Variants in SLC12A4 observed in about 807,000 individuals in gnomAD.
SLC12A4 encodes the protein solute carrier family 12 member 4.
In SLC12A4, 84 loss-of-function variants were observed where a neutral mutation model predicts 119.2. The ratio of observed to expected loss-of-function variants is 0.70; its 90% CI spans 0.59 to 0.85. The LOEUF is 0.85. Ranked by LOEUF, SLC12A4 falls within the 40% of genes least tolerant of loss-of-function variation. SLC12A4 has a pLI of 0.00. For missense variants in SLC12A4, 1,298 were observed against 1,476.3 expected (o/e 0.88, Z 1.98); for synonymous variants, 599 against 604.6 (o/e 0.99, Z 0.14).
chr16:67,948,075 GA>G lies in SLC12A4; in HGVS notation c.1832del (p.Phe611SerfsTer13). ...LLRTPNWRPR[F>X]KYYHWALSFL... ...GCATGGCTCACCAGTGATAGTACTT[GA>G]ACCGGGGCCGCCAGTTGGGGGTCCT... On this transcript the variant is annotated frameshift_variant, in exon 14 of 24. Coordinates refer to ENST00000316341, the MANE Select transcript of SLC12A4 (RefSeq NM_005072.5). LOFTEE classifies it high-confidence loss of function. 3 of 1,613,110 alleles carry G rather than the reference GA, an allele frequency of 1.9e-6. No homozygotes were observed.
At chr16:67,958,143 C>T in intron 3 of SLC12A4, 99 bp from the exon 4 acceptor site, 1 of 1,282,206 alleles carries the variant, frequency 7.8e-7, no homozygotes. Context: ...CCCAGTGGGG[C>T]CCCAGGGAAC....
intron 1 of SLC12A4, among the ~76,000 whole-genome samples, chr16:67,965,117 C>T (rs1298576348): frequency 6.6e-6 from 1 of 152,204 alleles, no homozygotes; most frequent in African/African-American, 2.4e-5. Context: ...TCAAGACAGT[C>T]CACCGTGTCA....
At position 67,950,188 on chromosome 16, in the gene SLC12A4, C is replaced by A; in HGVS notation, c.1629+131G>T. ...GGCCCAGGGCACTTCTCAGTAGCTC[C>A]TCATGGATGGCCGCCTGGCCCCGGG... On this transcript the variant is annotated intron_variant, in intron 12 of 23. Transcript: ENST00000316341. The surrounding 1 kb of genome is among the most constrained non-coding windows in gnomAD (Gnocchi z 4.3). 8.8e-7 allele frequency: 1 copy of A among 1,140,304 alleles called. No individual in the cohort carries two copies. Among genetic ancestry groups the A allele is most frequent in the Non-Finnish European group, 1.2e-6 (1 of 814,018 alleles). The allele number at this position is 1,140,304 out of a possible 1,614,324, so 70.6% of individuals were successfully genotyped here.
chr16:67,952,479 C>T, intron 6 of SLC12A4, 54 bp from the exon 7 acceptor site: 4 of 1,603,232 alleles, frequency 2.5e-6, no homozygotes, highest in Non-Finnish European at 3.4e-6. Flanking sequence ...GAAAGTGAAA[C>T]TTGTCGTTTT....
At chr16:67,964,609 G>A (rs2030777416) in intron 1 of SLC12A4, among the ~76,000 whole-genome samples, 1 of 152,140 alleles carries the variant, frequency 6.6e-6, no homozygotes, top group Non-Finnish European at 1.5e-5. Context: ...ACACATCTTG[G>A]TGTTGGATGG....
In SLC12A4 at chr16:67,943,983, G is replaced by A; in HGVS notation, c.*857C>T. ...GGGCCGTGTGTGGTTACTGAGCTCAGCCTTGGGCGTGGTGTGCGGGGGGAA... is the reference window on the plus strand; with the variant it reads ...GGGCCGTGTGTGGTTACTGAGCTCAACCTTGGGCGTGGTGTGCGGGGGGAA... On this transcript the variant is annotated 3_prime_UTR_variant, in exon 24 of 24. Transcript: ENST00000316341. The surrounding 1 kb of genome is among the most constrained non-coding windows in gnomAD (Gnocchi z 4.6). The A allele has an allele frequency of 6.5e-7, 1 of 1,548,640 alleles. No homozygotes were observed. The highest frequency in any genetic ancestry group is 1.2e-5 in the South Asian group (1 of 83,858).
chr16:67,952,851 G>A (rs1208179034), intron 6 of SLC12A4, among the ~76,000 whole-genome samples: 1 of 152,146 alleles, frequency 6.6e-6, no homozygotes, highest in Non-Finnish European at 1.5e-5. Context: ...ACTTTGGGAG[G>A]CTGAGGCGGT....
At chr16:67,959,731 A>G (rs574327641) in intron 3 of SLC12A4, among the ~76,000 whole-genome samples, 1 of 152,298 alleles carries the variant, frequency 6.6e-6, no homozygotes, top group East Asian at 1.9e-4. Flanking sequence ...AGTGTGGGAA[A>G]GGGCAGGGTG....
At chr16:67,956,538 G>A (rs1014288442) in intron 5 of SLC12A4, among the ~76,000 whole-genome samples, 7 of 151,856 alleles carry the variant, frequency 4.6e-5, no homozygotes, top group African/African-American at 1.7e-4. Context: ...ATACAAAAAT[G>A]TGGTGGTCGC....
Position 67,949,941 on chromosome 16 carries a change from T to G in SLC12A4, c.1630-23A>C. 2 of 1,572,826 alleles carry G rather than the reference T, an allele frequency of 1.3e-6. No individual in the cohort carries two copies. The highest frequency in any genetic ancestry group is 1.7e-6 in the Non-Finnish European group (2 of 1,143,384). ...CACCTGTGTGCACCAGGAAGGAAGC[T>G]GGGTCCTGTCACCCCCATTCCACAC... On this transcript the variant is annotated intron_variant, in intron 12 of 23. Coordinates refer to ENST00000316341, the MANE Select transcript of SLC12A4 (RefSeq NM_005072.5). The surrounding 1 kb of genome is among the most constrained non-coding windows in gnomAD (Gnocchi z 4.6).
rs564518042 is a variant in SLC12A4, at chr16:67,944,115, C to A, written c.*725G>T. ...GGGCGGCCCCATTCCAGCCCTGGTG[C>A]CTACTGCCAGAGAAAGCGGCACTGG... On this transcript the variant is annotated 3_prime_UTR_variant, in exon 24 of 24. Coordinates refer to ENST00000316341, the MANE Select transcript of SLC12A4 (RefSeq NM_005072.5). The surrounding 1 kb of genome is among the most constrained non-coding windows in gnomAD (Gnocchi z 6.6). The A allele has an allele frequency of 5.4e-5, 83 of 1,546,530 alleles. No homozygotes were observed. The Admixed American group carries it at 5.7e-4, about 11-fold the overall frequency.
At position 67,950,304 on chromosome 16, in the gene SLC12A4, T is replaced by C. The variant is rs1241257313; in HGVS notation, c.1629+15A>G. ...TGGGAGCAGCCAGGCCATGGGGGAG[T>C]GCAGAGGGGCTCACCCGGAGGAAGG... On this transcript the variant is annotated intron_variant, in intron 12 of 23. Transcript: ENST00000316341. The surrounding 1 kb of genome is among the most constrained non-coding windows in gnomAD (Gnocchi z 4.3). The C allele has an allele frequency of 5.6e-6, 9 of 1,611,456 alleles. No individual in the cohort carries two copies. The highest frequency in any genetic ancestry group is 7.6e-6 in the Non-Finnish European group (9 of 1,179,182).
chr16:67,963,403 C>T (rs542043235), intron 2 of SLC12A4, 62 bp downstream of exon 2: 1 of 1,138,968 alleles, frequency 8.8e-7, no homozygotes, highest in African/African-American at 1.6e-5. Context: ...CGTGTCCAGC[C>T]TGCCTGCTTA....
intron 6 of SLC12A4, chr16:67,954,189 G>C (rs911074507): frequency 2.6e-6 from 1 of 380,128 alleles, no homozygotes; most frequent in Non-Finnish European, 5.3e-6. Flanking sequence ...AGGGAGCGCC[G>C]ACCTCCAGCA....
At chr16:67,957,682 G>A in intron 5 of SLC12A4, 60 bp downstream of exon 5, 1 of 1,600,598 alleles carries the variant, frequency 6.2e-7, no homozygotes, top group South Asian at 1.1e-5. Context: ...TTCCCAGGTA[G>A]GTCAAGGCAG....
chr16:67,958,130 TC>T, intron 3 of SLC12A4, 86 bp from the exon 4 acceptor site: 2 of 1,463,656 alleles, frequency 1.4e-6, no homozygotes, highest in Non-Finnish European at 9.3e-7. Flanking sequence ...GCAGGCCCCC[TC>T]CCCCAGTGGG....
At chr16:67,954,606 A>G in intron 6 of SLC12A4, 37 bp downstream of exon 6, 1 of 1,613,052 alleles carries the variant, frequency 6.2e-7, no homozygotes, top group Non-Finnish European at 8.5e-7. Context: ...GACTGTTTGG[A>G]CATGGCCAGA....
Position 67,944,971 on chromosome 16 carries a change from C to T in SLC12A4, c.3167-40G>A, listed in dbSNP as rs757597375. The T allele has an allele frequency of 5.3e-5, 85 of 1,612,092 alleles. No homozygotes were observed. Among genetic ancestry groups the T allele is most frequent in the Admixed American group, 1.0e-4 (6 of 59,982 alleles). On this transcript the variant is annotated intron_variant, in intron 23 of 23. Coordinates refer to ENST00000316341, the MANE Select transcript of SLC12A4 (RefSeq NM_005072.5). This position sits in a 1 kb window ranked among gnomAD's most constrained non-coding sequence, Gnocchi z 6.6. ...GTCAAGGAGGCAACAACAGAATCAACGGGCAACCCGGGCCACCTGGGCCAT... is the reference window on the plus strand; with the variant it reads ...GTCAAGGAGGCAACAACAGAATCAATGGGCAACCCGGGCCACCTGGGCCAT...
Position 67,951,871 on chromosome 16 carries a change from C to T in SLC12A4, c.1084G>A (p.Val362Met), listed in dbSNP as rs1310310037. The T allele has an allele frequency of 6.2e-7, 1 of 1,613,852 alleles. No homozygotes were observed. Residue 362 changes from valine (V) to methionine (M), a missense_variant, in exon 8 of 24, where the codon GTG becomes ATG. By Grantham distance (21) the Val-to-Met change is conservative (BLOSUM62 1). Coordinates refer to ENST00000316341, the MANE Select transcript of SLC12A4 (RefSeq NM_005072.5). This position sits in a 1 kb window ranked among gnomAD's most constrained non-coding sequence, Gnocchi z 5.2. The stretch of plus-strand genomic sequence containing the variant: ...CCGGGGATGCCAGGGATCTCGGTCA[C>T]ATTGTTGAGCATGAAGTAGGGGTCA... ...SCDPYFMLNN[V>M]TEIPGIPGAA... is the part of the protein sequence containing the mutation.
Sources: gnomAD v4.1 joint callset for allele counts (sites outside exome capture counted in the v4.1 genomes callset) on GRCh38, gnomAD v4.1.1 for gene constraint, Gnocchi (gnomAD v3.1) non-coding constraint, MANE v1.5 for transcripts, NCBI Gene and HGNC (gene_info 2026-07-23, HGNC 2026-07-21) for gene names.